The following UBE3B variants were observed in gnomAD, a reference collection of about 807,000 sequenced individuals.
UBE3B encodes the protein ubiquitin-protein ligase E3B.
A neutral mutation model predicts 132.3 loss-of-function variants in UBE3B; 80 were observed. That is an observed-to-expected ratio of 0.60 (90% CI 0.50 to 0.73). The LOEUF is 0.73. Ranked by LOEUF, UBE3B falls within the 30% of genes least tolerant of loss-of-function variation. UBE3B has a pLI of 0.00. For missense variants in UBE3B, 1,196 were observed against 1,362.5 expected, an observed-to-expected ratio of 0.88 and a Z score of 1.92; for synonymous variants, 487 against 520.4, an observed-to-expected ratio of 0.94 and a Z score of 0.87.
chr12:109,536,879 T>G (rs1883471221), downstream of UBE3B, among the ~76,000 whole-genome samples: 1 of 152,172 alleles, frequency 6.6e-6, no homozygotes, highest in Non-Finnish European at 1.5e-5. Flanking sequence ...TCCTATTTGC[T>G]TCCAATTGTG....
At chr12:109,519,316 T>A (rs1881427229) in intron 19 of UBE3B, among the ~76,000 whole-genome samples, 2 of 152,220 alleles carry the variant, frequency 1.3e-5, no homozygotes, top group South Asian at 4.1e-4. Flanking sequence ...TGACTCACAT[T>A]CACCTCCCAA....
chr12:109,490,944 G>GT lies in UBE3B; in HGVS notation c.631-94dup, dbSNP rs1388306800. 143 of 1,320,322 alleles carry GT rather than the reference G, an allele frequency of 1.1e-4. No homozygotes were observed. The East Asian group carries it at 3.0e-3, about 28-fold the overall frequency. The allele number at this position is 1,320,322 out of a possible 1,614,324, so 81.8% of individuals were successfully genotyped here. A position where few individuals can be genotyped will look rare whatever the true frequency, so the allele number is the denominator to read the frequency against. ...GCCACCATGCCTGGCTCACAATACA[G>GT]TTTTTTTATCTGAAGCACTCAGTTT... On this transcript the variant is annotated intron_variant, in intron 8 of 27. Coordinates refer to ENST00000342494, the MANE Select transcript of UBE3B (RefSeq NM_130466.4).
rs1367398164 is a variant in UBE3B, at chr12:109,503,103, G to A, written c.1363G>A (p.Ala455Thr). The A allele has an allele frequency of 6.2e-7, 1 of 1,614,184 alleles. No individual in the cohort carries two copies. Among genetic ancestry groups the A allele is most frequent in the Non-Finnish European group, 8.5e-7 (1 of 1,180,038 alleles). ...RPVGGKRVDS[A>T]EVQKVCNICV... ...TGTCGGGGGTAAACGGGTCGACTCT[G>A]CAGAAGTCCAGAAGGTTTGCAACAT... The change falls in exon 14 of 28, where the codon GCA becomes ACA. Residue 455 changes from alanine (A) to threonine (T), a missense_variant. Coordinates refer to ENST00000342494, the MANE Select transcript of UBE3B (RefSeq NM_130466.4).
downstream of UBE3B, among the ~76,000 whole-genome samples, chr12:109,537,589 T>C (rs1006703302): frequency 5.9e-5 from 9 of 152,214 alleles, no homozygotes; most frequent in Non-Finnish European, 1.2e-4. Flanking sequence ...GGAGCGTTCA[T>C]GTAACTAAAA....
Position 109,524,481 on chromosome 12 carries a change from A to T in UBE3B, c.2546A>T (p.Tyr849Phe), listed in dbSNP as rs1414008732. 2 of 1,614,146 alleles carry T rather than the reference A, an allele frequency of 1.2e-6. No homozygotes were observed. Among genetic ancestry groups the T allele is most frequent in the East Asian group, 4.5e-5 (2 of 44,842 alleles). ...DITDLGLTLS[Y>F]DEDVMGQLVC... ...ACTGACCTGGGCCTGACGCTGTCTT[A>T]CGACGAGGACGTCATGGGTCAGGTA... The change falls in exon 23 of 28, where the codon TAC becomes TTC. Residue 849 changes from tyrosine (Y) to phenylalanine (F), a missense_variant. Coordinates refer to ENST00000342494, the MANE Select transcript of UBE3B (RefSeq NM_130466.4).
At chr12:109,537,817 G>A (rs1281871186), downstream of UBE3B, among the ~76,000 whole-genome samples, 2 of 152,148 alleles carry the variant, frequency 1.3e-5, no homozygotes, top group African/African-American at 4.8e-5. Flanking sequence ...CCATTCTCCT[G>A]CCGCAGCCTC....
At chr12:109,530,277 G>C (rs558235590) in intron 25 of UBE3B, among the ~76,000 whole-genome samples, 23 of 152,352 alleles carry the variant, frequency 1.5e-4, no homozygotes, top group African/African-American at 4.6e-4. Flanking sequence ...CCTGAGGACT[G>C]GGGGTTCTCT....
intron 18 of UBE3B, among the ~76,000 whole-genome samples, chr12:109,511,612 T>C (rs1880386953): frequency 6.6e-6 from 1 of 151,752 alleles, no homozygotes; most frequent in African/African-American, 2.4e-5. Flanking sequence ...AAAGGCTGAG[T>C]TAGAAAGGAT....
the UBE3B span, among the ~76,000 whole-genome samples, chr12:109,543,988 G>T: frequency 6.6e-6 from 1 of 152,110 alleles, no homozygotes; most frequent in Non-Finnish European, 1.5e-5. Flanking sequence ...GCATCCTGAG[G>T]GGGTGTCGGC....
chr12:109,506,010 A>G (rs1441339242), intron 14 of UBE3B, among the ~76,000 whole-genome samples: 1 of 152,224 alleles, frequency 6.6e-6, no homozygotes, highest in Non-Finnish European at 1.5e-5. Context: ...GAGATGTGTT[A>G]TTAGATGTAA....
Position 109,489,962 on chromosome 12 carries a change from A to G in UBE3B, c.588A>G (p.Ile196Met). 1.2e-6 allele frequency: 2 copies of G among 1,614,190 alleles called. No individual in the cohort carries two copies. The highest frequency in any genetic ancestry group is 1.7e-6 in the Non-Finnish European group (2 of 1,180,026). Residue 196 changes from isoleucine (I) to methionine (M), a missense_variant, in exon 8 of 28, where the codon ATA becomes ATG. Transcript: ENST00000342494. ...CGATGAACCACATTTGTGCAAATAT[A>G]ATGGGACATCTCAACCAGCATGGAT... ...RPAMNHICAN[I>M]MGHLNQHGFY...
intron 15 of UBE3B, 80 bp downstream of exon 15, chr12:109,507,815 G>A: frequency 1.4e-6 from 2 of 1,453,834 alleles, no homozygotes; most frequent in Non-Finnish European, 1.9e-6. Context: ...GGAAGTAATT[G>A]CTAATGTGAT....
chr12:109,515,494 C>T (rs1469545084), intron 18 of UBE3B, among the ~76,000 whole-genome samples: 1 of 152,012 alleles, frequency 6.6e-6, no homozygotes, highest in East Asian at 1.9e-4. Context: ...CTCAGCCTCC[C>T]GAGTAGCTGG....
intron 15 of UBE3B, chr12:109,508,481 T>C (rs1164244268): frequency 1.0e-6 from 1 of 981,950 alleles, no homozygotes; most frequent in East Asian, 1.1e-4. Context: ...TTTTTAAGCT[T>C]ATGCATCTTG....
At chr12:109,486,682 T>C (rs1876525998) in intron 6 of UBE3B, 107 bp downstream of exon 6, 1 of 902,256 alleles carries the variant, frequency 1.1e-6, no homozygotes, top group Non-Finnish European at 1.6e-6. Context: ...TCAACGAGAG[T>C]TGCTAGTTGA....
At chr12:109,530,442 C>A in intron 25 of UBE3B, 105 bp from the exon 26 acceptor site, 2 of 896,398 alleles carry the variant, frequency 2.2e-6, no homozygotes, top group South Asian at 1.5e-5. Flanking sequence ...TAGTGTTCCC[C>A]AGGCCTGCCA....
chr12:109,530,738 A>G (rs1882855069), intron 26 of UBE3B, 80 bp downstream of exon 26: 1 of 1,369,730 alleles, frequency 7.3e-7, no homozygotes, highest in Non-Finnish European at 1.0e-6. Context: ...ATTTACGCTG[A>G]AGAAACTGAA....
intron 14 of UBE3B, among the ~76,000 whole-genome samples, chr12:109,504,607 A>T (rs973711525): frequency 2.0e-5 from 3 of 152,172 alleles, no homozygotes; most frequent in Non-Finnish European, 4.4e-5. Flanking sequence ...CCTGCTGGGC[A>T]TGCTGGCAGA....
chr12:109,499,592 G>A (rs750728353), intron 11 of UBE3B, 41 bp from the exon 12 acceptor site: 1 of 1,502,102 alleles, frequency 6.7e-7, no homozygotes, highest in Non-Finnish European at 8.9e-7. Context: ...GCACCAAAAT[G>A]TTTGTCTGGG....
Sources: allele counts gnomAD v4.1 joint callset (sites outside exome capture counted in the v4.1 genomes callset), GRCh38; gene constraint gnomAD v4.1.1; transcripts MANE v1.5; gene names NCBI Gene and HGNC (gene_info 2026-07-23, HGNC 2026-07-21).